Variants in USP24 observed in about 807,000 individuals in gnomAD.
USP24 encodes the protein ubiquitin carboxyl-terminal hydrolase 24.
A neutral mutation model predicts 361.6 loss-of-function variants in USP24; 97 were observed. The ratio of observed to expected loss-of-function variants is 0.27; its 90% CI spans 0.23 to 0.32. The LOEUF (loss-of-function observed/expected upper bound fraction) is 0.32. Ranked by LOEUF, USP24 falls within the 10% of genes least tolerant of loss-of-function variation. USP24 has a pLI of 1.00. For missense variants in USP24, 2,353 were observed against 3,165.6 expected (o/e 0.74, Z 6.16); for synonymous variants, 1,098 against 1,124.6 (o/e 0.98, Z 0.47).
At chr1:55,174,182 CA>C (rs1649724513) in intron 3 of USP24, among the ~76,000 whole-genome samples, 3 of 152,196 alleles carry the variant, frequency 2.0e-5, no homozygotes, top group Admixed American at 2.0e-4. Flanking sequence ...TATGTAATCA[CA>C]TATCATTCAT....
intron 1 of USP24, among the ~76,000 whole-genome samples, chr1:55,198,574 A>T (rs1644479981): frequency 6.6e-6 from 1 of 152,224 alleles, no homozygotes; most frequent in Non-Finnish European, 1.5e-5. Flanking sequence ...CCTGGCCAGT[A>T]GCACCTCTCT....
At chr1:55,099,638 C>T in intron 45 of USP24, 133 bp downstream of exon 45, 2 of 673,188 alleles carry the variant, frequency 3.0e-6, no homozygotes, top group East Asian at 2.8e-5. Context: ...ACACAGAATA[C>T]ATTATAGTTC....
chr1:55,172,306 A>AC, intron 4 of USP24, 71 bp downstream of exon 4: 1 of 1,328,358 alleles, frequency 7.5e-7, no homozygotes, highest in South Asian at 2.0e-5. Context: ...ATTATTAATT[A>AC]CAAGTCAGAG....
intron 1 of USP24, among the ~76,000 whole-genome samples, chr1:55,190,148 G>T: frequency 9.8e-6 from 1 of 102,368 alleles, no homozygotes; most frequent in Non-Finnish European, 1.8e-5. Flanking sequence ...CTGGGTGACA[G>T]ACCAAGACTC....
At chr1:55,118,869 T>C (rs1442893830) in intron 38 of USP24, among the ~76,000 whole-genome samples, 2 of 152,188 alleles carry the variant, frequency 1.3e-5, no homozygotes, top group Admixed American at 6.5e-5. Context: ...TGCACTGGGA[T>C]AGCTACTATC....
rs368257194 is a variant in USP24 at position 55,106,270 on chromosome 1, T to C, written c.4763-7A>G. 35 of 1,573,500 alleles carry C rather than the reference T, an allele frequency of 2.2e-5. No individual in the cohort carries two copies. The highest frequency in any genetic ancestry group is 3.0e-5 in the Non-Finnish European group (34 of 1,143,812). ...GGTTTAATGAGTGATGAACCTGGAA[T>C]AGAGCATAATATTCATGTTGAAGAT... On this transcript the variant is annotated splice_region_variant and splice_polypyrimidine_tract_variant and intron_variant, in intron 40 of 67. Coordinates refer to ENST00000294383, the MANE Select transcript of USP24 (RefSeq NM_015306.3).
chr1:55,155,138 T>C (rs574559429), intron 12 of USP24, among the ~76,000 whole-genome samples: 2 of 152,342 alleles, frequency 1.3e-5, no homozygotes, highest in African/African-American at 2.4e-5. Flanking sequence ...GTACCCACTT[T>C]TGACATTTTA....
chr1:55,202,803 G>C (rs1030882609), intron 1 of USP24, among the ~76,000 whole-genome samples: 1 of 152,180 alleles, frequency 6.6e-6, no homozygotes. Flanking sequence ...GATGCTAGTC[G>C]AGAGACCACA....
intron 1 of USP24, among the ~76,000 whole-genome samples, chr1:55,193,881 C>T (rs1297571667): frequency 6.6e-6 from 1 of 152,150 alleles, no homozygotes; most frequent in Non-Finnish European, 1.5e-5. Context: ...ACTTGCCTAA[C>T]ACCAACAGTC....
chr1:55,073,095 T>G lies in USP24; in HGVS notation c.7527-234A>C, dbSNP rs1644953449. On this transcript the variant is annotated intron_variant, in intron 64 of 67. Transcript: ENST00000294383. ...GTCAGTCTTCAATAGGTCCAGAGTT[T>G]CAGTTTCAGAAGATGAAAAGAGTTC... 7 of 497,416 alleles carry G rather than the reference T, an allele frequency of 1.4e-5. No homozygotes were observed. In the East Asian group the frequency reaches 2.3e-4, roughly 16 times the overall value. The allele number at this position is 497,416 out of a possible 1,614,324, so 30.8% of individuals were successfully genotyped here.
At position 55,107,749 on chromosome 1, in the gene USP24, G is replaced by C. The variant is rs1645818730; in HGVS notation, c.4571-319C>G. ...CCTAGCTACTCGGGAGGCTGAGGCAGGAGAATTGCTTGAACCCAGGAAGCA... is the reference window on the plus strand; with the variant it reads ...CCTAGCTACTCGGGAGGCTGAGGCACGAGAATTGCTTGAACCCAGGAAGCA... On this transcript the variant is annotated intron_variant, in intron 39 of 67. Coordinates refer to ENST00000294383, the MANE Select transcript of USP24 (RefSeq NM_015306.3). 4.4e-5 allele frequency among the ~76,000 whole-genome samples: 6 copies of C among 136,444 alleles called. No individual in the cohort carries two copies. In the Admixed American group the frequency reaches 5.3e-4, roughly 12 times the overall value. The allele number at this position is 136,444 out of a possible 152,430, so 89.5% of individuals were successfully genotyped here.
intron 1 of USP24, among the ~76,000 whole-genome samples, chr1:55,210,753 C>A (rs1340454330): frequency 1.3e-5 from 2 of 152,050 alleles, no homozygotes; most frequent in African/African-American, 4.8e-5. Flanking sequence ...TGAAAGTACT[C>A]CTGACAAAAC....
At chr1:55,090,953 C>G (rs374577875) in intron 54 of USP24, among the ~76,000 whole-genome samples, 1 of 152,072 alleles carries the variant, frequency 6.6e-6, no homozygotes, top group Non-Finnish European at 1.5e-5. Flanking sequence ...GGTGTGGTGG[C>G]GCACGCCCAT....
At chr1:55,083,595 T>C (rs930836387) in intron 57 of USP24, among the ~76,000 whole-genome samples, 177 bp downstream of exon 57, 3 of 152,216 alleles carry the variant, frequency 2.0e-5, no homozygotes, top group Non-Finnish European at 4.4e-5. Flanking sequence ...TCTACTGCTA[T>C]CAATGAGTAA....
chr1:55,185,096 C>T (rs1257584480), intron 1 of USP24, among the ~76,000 whole-genome samples: 1 of 151,948 alleles, frequency 6.6e-6, no homozygotes, highest in Non-Finnish European at 1.5e-5. Flanking sequence ...GCAGCTGGGA[C>T]TACTGCTGCA....
chr1:55,134,440 T>A (rs745705411), intron 28 of USP24, 27 bp from the exon 29 acceptor site: 50 of 1,571,436 alleles, frequency 3.2e-5, no homozygotes, highest in Non-Finnish European at 4.1e-5. Flanking sequence ...AAATAGAAAT[T>A]CAAATTTACA....
intron 23 of USP24, 96 bp downstream of exon 23, chr1:55,142,646 A>G: frequency 1.1e-6 from 1 of 905,000 alleles, no homozygotes; most frequent in East Asian, 2.7e-5. Flanking sequence ...GGATCCAGCC[A>G]CAAACATCAA....
At chr1:55,144,985 C>A (rs1285519424) in intron 20 of USP24, among the ~76,000 whole-genome samples, 2 of 151,960 alleles carry the variant, frequency 1.3e-5, no homozygotes, top group Admixed American at 1.3e-4. Flanking sequence ...CACTTTATAC[C>A]CATTACGATG....
At chr1:55,073,263 C>T (rs773279888) in intron 64 of USP24, among the ~76,000 whole-genome samples, 2 of 152,172 alleles carry the variant, frequency 1.3e-5, no homozygotes, top group Non-Finnish European at 2.9e-5. Flanking sequence ...CTTCATTTTG[C>T]AGTCAATCAG....
Sources: allele counts gnomAD v4.1 joint callset (sites outside exome capture counted in the v4.1 genomes callset), GRCh38; gene constraint gnomAD v4.1.1; transcripts MANE v1.5; gene names NCBI Gene and HGNC (gene_info 2026-07-23, HGNC 2026-07-21).